POC1B: variants seen among roughly 807,000 people sequenced by gnomAD.
POC1B encodes POC1 centriolar protein homolog B.
POC1B carries 44 observed loss-of-function variants against 60.6 expected under a neutral mutation model. The observed-to-expected ratio is 0.73, with a 90% confidence interval of 0.57 to 0.93. The LOEUF is 0.93. Among genes scored for constraint, POC1B ranks in the 40% least tolerant of loss-of-function variants. The pLI is 0.00. For synonymous variants in POC1B, 180 were observed against 198.9 expected (o/e 0.90, Z 0.80); for missense variants, 555 against 572.3 (o/e 0.97, Z 0.31).
Position 89,420,673 on chromosome 12 carries a change from A to G in POC1B, c.*480T>C, listed in dbSNP as rs1323038837. On this transcript the variant is annotated 3_prime_UTR_variant, in exon 12 of 12. Transcript: ENST00000313546. ...GCATTAGTAAGAAAGGATAATTTCT[A>G]TTTTGAACAGAAAGACATACAACTA... 6.6e-6 allele frequency: 1 copy of G among 152,464 alleles called. No individual in the cohort carries two copies. Among genetic ancestry groups the G allele is most frequent in the African/African-American group, 2.4e-5 (1 of 41,442 alleles). The allele number at this position is 152,464 out of a possible 1,614,324, so 9.4% of individuals were successfully genotyped here.
chr12:89,431,373 A>C, intron 10 of POC1B, among the ~76,000 whole-genome samples: 1 of 152,132 alleles, frequency 6.6e-6, no homozygotes, highest in South Asian at 2.1e-4. Context: ...AAATCAGGAA[A>C]TTCAATTGAA....
chr12:89,490,595 T>C (rs1426066378), intron 4 of POC1B, among the ~76,000 whole-genome samples: 1 of 152,166 alleles, frequency 6.6e-6, no homozygotes, highest in Non-Finnish European at 1.5e-5. Context: ...TCCACCCACC[T>C]TGGCCTCACA....
intron 2 of POC1B, among the ~76,000 whole-genome samples, chr12:89,515,782 C>T (rs1194607048): frequency 6.6e-6 from 1 of 152,170 alleles, no homozygotes; most frequent in Admixed American, 6.6e-5. Flanking sequence ...AACTCCAAGA[C>T]CCATGTTCTC....
chr12:89,471,750 G>T (rs1029403025), intron 5 of POC1B, 21 bp from the exon 6 acceptor site: 13 of 1,220,522 alleles, frequency 1.1e-5, no homozygotes, highest in African/African-American at 7.8e-5. Context: ...AGAATAAGAT[G>T]ACCTAATATT....
At chr12:89,408,509 G>A in the POC1B span, among the ~76,000 whole-genome samples, 1 of 142,974 alleles carries the variant, frequency 7.0e-6, no homozygotes, top group Non-Finnish European at 1.5e-5. Flanking sequence ...TTTTTGAGAC[G>A]GAGTCTCGCT....
intron 10 of POC1B, among the ~76,000 whole-genome samples, chr12:89,446,994 AT>A (rs1167902173): frequency 3.3e-5 from 5 of 152,182 alleles, no homozygotes; most frequent in African/African-American, 4.8e-5. Flanking sequence ...CGTGACTGTC[AT>A]TTTCCTTGAT....
At position 89,459,731 on chromosome 12, in the gene POC1B, A is replaced by AT. The variant is rs772496683; in HGVS notation, c.1033-14dup. ...GCTTTGGATTAATCTGTGTATATAC[A>AT]TAAAAAAAAATTATGAGATTTTCAT... On this transcript the variant is annotated splice_polypyrimidine_tract_variant and intron_variant, in intron 9 of 11. Transcript: ENST00000313546. 3.6e-6 allele frequency: 5 copies of AT among 1,393,510 alleles called. No individual in the cohort carries two copies. Among genetic ancestry groups the AT allele is most frequent in the Non-Finnish European group, 4.8e-6 (5 of 1,042,410 alleles). 86.3% of individuals were successfully genotyped at this position (1,393,510 alleles called of 1,614,324 possible).
intron 2 of POC1B, chr12:89,520,826 G>A (rs566217955): frequency 5.6e-4 from 85 of 152,174 alleles, no homozygotes; most frequent in African/African-American, 1.9e-3. Flanking sequence ...AGGCCAAAGT[G>A]AACTAATTGA....
In POC1B at chr12:89,477,412, T is replaced by C. The variant is rs545700399; in HGVS notation, c.453-5137A>G. ...CATCTATGTGCCCAGAATTCCTTCC[T>C]GGAATCTCCACCCATGAGTACAACT... On this transcript the variant is annotated intron_variant, in intron 4 of 11. Coordinates refer to ENST00000313546, the MANE Select transcript of POC1B (RefSeq NM_172240.3). 2.0e-5 allele frequency among the ~76,000 whole-genome samples: 3 copies of C among 152,242 alleles called. No homozygotes were observed. In the South Asian group the frequency reaches 6.2e-4, roughly 32 times the overall value.
At chr12:89,469,367 T>A (rs575706099) in intron 7 of POC1B, among the ~76,000 whole-genome samples, 2 of 152,138 alleles carry the variant, frequency 1.3e-5, no homozygotes, top group African/African-American at 2.4e-5. Flanking sequence ...TCTAAACCAA[T>A]TGAGAAATAA....
chr12:89,505,673 T>C (rs1265808599), intron 2 of POC1B, among the ~76,000 whole-genome samples: 1 of 152,228 alleles, frequency 6.6e-6, no homozygotes, highest in Non-Finnish European at 1.5e-5. Context: ...ACATTCTAAA[T>C]ATTCATCAAG....
chr12:89,459,805 AATAT>A, intron 9 of POC1B, 87 bp from the exon 10 acceptor site: 1 of 704,686 alleles, frequency 1.4e-6, no homozygotes. Flanking sequence ...GGCATTTTCT[AATAT>A]ATTCTAAAAT....
the POC1B span, among the ~76,000 whole-genome samples, chr12:89,405,150 C>A: frequency 1.3e-5 from 2 of 152,016 alleles, no homozygotes; most frequent in African/African-American, 4.8e-5. Flanking sequence ...ATTGTCAGAA[C>A]CAAACTTGTA....
intron 10 of POC1B, among the ~76,000 whole-genome samples, chr12:89,445,979 T>C (rs1217017107): frequency 6.6e-6 from 1 of 152,232 alleles, no homozygotes; most frequent in Non-Finnish European, 1.5e-5. Context: ...AAGACATTTA[T>C]GCAGCCAACA....
chr12:89,470,587 G>A, intron 6 of POC1B, 93 bp from the exon 7 acceptor site: 2 of 1,084,202 alleles, frequency 1.8e-6, no homozygotes, highest in South Asian at 2.5e-5. Context: ...TTGTAAACAA[G>A]AGCACTGTTT....
At chr12:89,445,532 G>A (rs1881742300) in intron 10 of POC1B, among the ~76,000 whole-genome samples, 1 of 152,322 alleles carries the variant, frequency 6.6e-6, no homozygotes, top group Admixed American at 6.5e-5. Context: ...AATAAATGGT[G>A]CTGGGAAAAC....
chr12:89,524,080 C>G, intron 2 of POC1B: 1 of 1,613,908 alleles, frequency 6.2e-7, no homozygotes, highest in East Asian at 2.2e-5. Flanking sequence ...TTCTAAAACA[C>G]TGTGAATGGT....
chr12:89,459,676 G>C lies in POC1B; in HGVS notation c.1075C>G (p.Pro359Ala). 6.5e-7 allele frequency: 1 copy of C among 1,540,104 alleles called. No individual in the cohort carries two copies. The highest frequency in any genetic ancestry group is 8.7e-7 in the Non-Finnish European group (1 of 1,143,410). Residue 359 changes from proline to alanine, a missense_variant, in exon 10 of 12, where the codon CCC becomes GCC. Pro to Ala is a conservative substitution (Grantham distance 27, BLOSUM62 -1). Transcript: ENST00000313546. Reference sequence around the variant, plus strand: ...AAAGAAAGGATATCCATAACAGGGGGAGTAGAGATCTGCAAATCGATTACC... The same window carrying C: ...AAAGAAAGGATATCCATAACAGGGGCAGTAGAGATCTGCAAATCGATTACC... ...LEVIDLQIST[P>A]PVMDILSFDS...
At chr12:89,446,541 G>C (rs950095510) in intron 10 of POC1B, among the ~76,000 whole-genome samples, 4 of 152,076 alleles carry the variant, frequency 2.6e-5, no homozygotes, top group East Asian at 3.9e-4. Flanking sequence ...TCATAGGTGG[G>C]AACTGAACAA....
Sources: allele counts gnomAD v4.1 joint callset (sites outside exome capture counted in the v4.1 genomes callset), GRCh38; gene constraint gnomAD v4.1.1; transcripts MANE v1.5; gene names NCBI Gene and HGNC (gene_info 2026-07-23, HGNC 2026-07-21).